SLC25A21: variants seen among roughly 807,000 people sequenced by gnomAD.
The protein encoded by SLC25A21 is solute carrier family 25 member 21.
SLC25A21 carries 47 observed loss-of-function variants against 43.8 expected under a neutral mutation model. The observed-to-expected ratio is 1.07, with a 90% CI of 0.85 to 1.37. The LOEUF is 1.37. Among genes scored for constraint, SLC25A21 ranks in the 40% most tolerant of loss-of-function variants. The pLI is 0.00. For missense variants in SLC25A21, 352 were observed against 350.2 expected, an observed-to-expected ratio of 1.00 and a Z score of -0.04; for synonymous variants, 131 against 121.3, an observed-to-expected ratio of 1.08 and a Z score of -0.52.
intron 1 of SLC25A21, among the ~76,000 whole-genome samples, chr14:36,946,639 T>C (rs1892685978): frequency 6.6e-6 from 1 of 152,186 alleles, no homozygotes; most frequent in Non-Finnish European, 1.5e-5. Flanking sequence ...CTTCCCTAAA[T>C]AATTTCTTCA....
chr14:36,920,432 G>A (rs903287692), intron 1 of SLC25A21, among the ~76,000 whole-genome samples: 2 of 151,942 alleles, frequency 1.3e-5, no homozygotes, highest in Non-Finnish European at 2.9e-5. Context: ...TTAGTAATCA[G>A]GAGAGTCACT....
chr14:36,796,272 G>A (rs1887665237), intron 3 of SLC25A21, among the ~76,000 whole-genome samples: 1 of 151,916 alleles, frequency 6.6e-6, no homozygotes, highest in Non-Finnish European at 1.5e-5. Flanking sequence ...GATGCAGAAA[G>A]GAATTAAGAA....
chr14:37,063,896 T>C (rs1962004432), intron 1 of SLC25A21, among the ~76,000 whole-genome samples: 1 of 152,132 alleles, frequency 6.6e-6, no homozygotes, highest in South Asian at 2.1e-4. Context: ...AAACAAGACT[T>C]TTCCTGAAAC....
At chr14:37,096,542 A>G (rs1358763768) in intron 1 of SLC25A21, among the ~76,000 whole-genome samples, 3 of 152,040 alleles carry the variant, frequency 2.0e-5, no homozygotes, top group African/African-American at 7.2e-5. Flanking sequence ...TCTTGTAAAC[A>G]CTTTGTTCCT....
At chr14:37,114,517 T>C (rs1699032595) in intron 1 of SLC25A21, among the ~76,000 whole-genome samples, 1 of 152,232 alleles carries the variant, frequency 6.6e-6, no homozygotes, top group African/African-American at 2.4e-5. Flanking sequence ...TAAATCATTT[T>C]CTTTAGTAGT....
chr14:37,141,318 C>A (rs147878066), intron 1 of SLC25A21, among the ~76,000 whole-genome samples: 1 of 152,244 alleles, frequency 6.6e-6, no homozygotes, highest in African/African-American at 2.4e-5. Context: ...GATGCTAATT[C>A]AGCATTAGCA....
At chr14:36,761,314 A>C (rs1287184730) in intron 3 of SLC25A21, among the ~76,000 whole-genome samples, 1 of 152,178 alleles carries the variant, frequency 6.6e-6, no homozygotes. Flanking sequence ...GCTCTGTGCC[A>C]CATGTGTCCT....
At chr14:37,115,605 T>C (rs1344347170) in intron 1 of SLC25A21, among the ~76,000 whole-genome samples, 1 of 152,216 alleles carries the variant, frequency 6.6e-6, no homozygotes, top group Non-Finnish European at 1.5e-5. Context: ...TGGTTCCTCC[T>C]AGAAATCCAT....
At chr14:36,861,140 C>T (rs577382956) in intron 2 of SLC25A21, among the ~76,000 whole-genome samples, 1 of 152,268 alleles carries the variant, frequency 6.6e-6, no homozygotes, top group South Asian at 2.1e-4. Context: ...ATTTTAGCCA[C>T]CTCAACAAGA....
At chr14:36,746,932 T>C (rs1885521611) in intron 3 of SLC25A21, among the ~76,000 whole-genome samples, 1 of 152,200 alleles carries the variant, frequency 6.6e-6, no homozygotes, top group Admixed American at 6.5e-5. Flanking sequence ...AACCAAGATG[T>C]TGCCTTTCAT....
intron 1 of SLC25A21, among the ~76,000 whole-genome samples, chr14:37,000,171 T>C (rs1960456395): frequency 6.6e-6 from 1 of 152,140 alleles, no homozygotes; most frequent in African/African-American, 2.4e-5. Context: ...TTCTCTCATA[T>C]CTTCATTCAA....
At chr14:36,905,912 G>C (rs373558085) in intron 1 of SLC25A21, among the ~76,000 whole-genome samples, 21 of 152,058 alleles carry the variant, frequency 1.4e-4, no homozygotes, top group East Asian at 1.2e-3. Flanking sequence ...GGATATTCAG[G>C]GTGTGGCTTA....
At chr14:36,903,646 G>C (rs979273289) in intron 1 of SLC25A21, among the ~76,000 whole-genome samples, 4 of 110,436 alleles carry the variant, frequency 3.6e-5, no homozygotes, top group African/African-American at 1.0e-4. Flanking sequence ...AAAAAAAATT[G>C]GTCGCCAAAA....
At chr14:37,084,642 C>T (rs569013997) in intron 1 of SLC25A21, among the ~76,000 whole-genome samples, 1 of 152,284 alleles carries the variant, frequency 6.6e-6, no homozygotes, top group South Asian at 2.1e-4. Context: ...GTTATATAGT[C>T]GGTCCCCAAC....
intron 2 of SLC25A21, among the ~76,000 whole-genome samples, chr14:36,818,354 A>C (rs2138455105): frequency 6.6e-6 from 1 of 152,340 alleles, no homozygotes; most frequent in East Asian, 1.9e-4. Flanking sequence ...TTCACTTAGG[A>C]GCTGACTGTC....
chr14:37,131,464 GA>G (rs1371230103), intron 1 of SLC25A21, among the ~76,000 whole-genome samples: 1 of 152,184 alleles, frequency 6.6e-6, no homozygotes, highest in East Asian at 1.9e-4. Context: ...GGCAGATATA[GA>G]GGACCTCATA....
chr14:36,695,245 C>T (rs1882965959), intron 7 of SLC25A21, among the ~76,000 whole-genome samples: 1 of 152,148 alleles, frequency 6.6e-6, no homozygotes, highest in South Asian at 2.1e-4. Context: ...ATTTCTGAGG[C>T]CTCTGTTCTG....
intron 7 of SLC25A21, among the ~76,000 whole-genome samples, chr14:36,708,762 T>C (rs1594510342): frequency 1.3e-5 from 2 of 148,542 alleles, no homozygotes; most frequent in East Asian, 2.3e-4. Context: ...TTTTTTTTTT[T>C]TTTGTAGCGA....
chr14:37,149,056 C>G (rs1963714941), intron 1 of SLC25A21, among the ~76,000 whole-genome samples: 1 of 152,192 alleles, frequency 6.6e-6, no homozygotes, highest in Non-Finnish European at 1.5e-5. Context: ...CAGGCGTGAG[C>G]TATCTGTGCC....
Sources: gnomAD v4.1 joint callset for allele counts (sites outside exome capture counted in the v4.1 genomes callset) on GRCh38, gnomAD v4.1.1 for gene constraint, MANE v1.5 for transcripts, NCBI Gene and HGNC (gene_info 2026-07-23, HGNC 2026-07-21) for gene names.